Variants in PCYT1A observed in about 807,000 individuals in gnomAD.
The protein encoded by PCYT1A is phosphate cytidylyltransferase 1A, choline, also known as choline-phosphate cytidylyltransferase A.
Under a neutral mutation model 43.7 loss-of-function variants are expected in PCYT1A, and 25 were observed. The ratio of observed to expected loss-of-function variants is 0.57; its 90% CI spans 0.42 to 0.80. The LOEUF (loss-of-function observed/expected upper bound fraction) is 0.80. Ranked by LOEUF, PCYT1A falls within the 30% of genes least tolerant of loss-of-function variation. PCYT1A has a pLI of 0.00. For synonymous variants in PCYT1A, 172 were observed against 170.7 expected (o/e 1.01, Z -0.06); for missense variants, 421 against 474.2 (o/e 0.89, Z 1.04).
rs1560176370 is a variant in PCYT1A, at chr3:196,273,682, C to T, written c.-10-3141G>A. On this transcript the variant is annotated intron_variant, in intron 1 of 8. Coordinates refer to ENST00000431016, the MANE Select transcript of PCYT1A (RefSeq NM_001312673.2). This position sits in a 1 kb window ranked among gnomAD's most constrained non-coding sequence, Gnocchi z 4.1. ...AAGCTCCTATCCGCAGGCAGGTCAT[C>T]CCATCAAGTATGGCTGAGTCCAGGG... Among the ~76,000 whole-genome samples the T allele has an allele frequency of 1.3e-5, 2 of 152,192 alleles. No individual in the cohort carries two copies. Among genetic ancestry groups the T allele is most frequent in the African/African-American group, 2.4e-5 (1 of 41,446 alleles).
At position 196,241,036 on chromosome 3, in the gene PCYT1A, G is replaced by A. The variant is rs190172624; in HGVS notation, c.708+912C>T. Among the ~76,000 whole-genome samples, 187 of 146,988 alleles carry A rather than the reference G, an allele frequency of 1.3e-3. 1 individual carries two copies. The highest frequency in any genetic ancestry group is 7.2e-3 in the Middle Eastern group (2 of 276). On this transcript the variant is annotated intron_variant, in intron 7 of 8. Transcript: ENST00000431016. The stretch of plus-strand genomic sequence containing the variant: ...TGGCTGGATACGGTGGCTCATGCCT[G>A]TAATCCCAGCACTTTGCGAGGCCAA...
At chr3:196,257,941 T>A in intron 2 of PCYT1A, 54 bp from the exon 3 acceptor site, 1 of 990,448 alleles carries the variant, frequency 1.0e-6, no homozygotes, top group South Asian at 1.4e-5. Flanking sequence ...GCATACACTG[T>A]AATACTAAAA....
At chr3:196,257,038 C>G (rs531411837) in intron 3 of PCYT1A, among the ~76,000 whole-genome samples, 8 of 152,082 alleles carry the variant, frequency 5.3e-5, no homozygotes, top group Admixed American at 3.9e-4. Flanking sequence ...ACTTAGTAAT[C>G]AGAAGAAGTG....
At chr3:196,263,781 C>T (rs1725186521) in intron 2 of PCYT1A, among the ~76,000 whole-genome samples, 1 of 152,032 alleles carries the variant, frequency 6.6e-6, no homozygotes, top group African/African-American at 2.4e-5. Flanking sequence ...TACAGGCACC[C>T]ACCACCACGC....
rs543797566 is a variant in PCYT1A, at chr3:196,247,097, T to C, written c.486+270A>G. Reference sequence around the variant, plus strand: ...TGGTTTCTCTAGCCCTTGTTACTCATATGTAAAGCGGAAATGACAAACACA... The same window carrying C: ...TGGTTTCTCTAGCCCTTGTTACTCACATGTAAAGCGGAAATGACAAACACA... On this transcript the variant is annotated intron_variant, in intron 5 of 8. Coordinates refer to ENST00000431016, the MANE Select transcript of PCYT1A (RefSeq NM_001312673.2). The surrounding 1 kb of genome is among the most constrained non-coding windows in gnomAD (Gnocchi z 4.8). 6.6e-6 allele frequency among the ~76,000 whole-genome samples: 1 copy of C among 152,236 alleles called. No homozygotes were observed. Among genetic ancestry groups the C allele is most frequent in the Non-Finnish European group, 1.5e-5 (1 of 68,046 alleles).
At chr3:196,260,911 G>C (rs749603309) in intron 2 of PCYT1A, among the ~76,000 whole-genome samples, 10 of 152,056 alleles carry the variant, frequency 6.6e-5, no homozygotes, top group Admixed American at 1.3e-4. Context: ...TGCATTACTC[G>C]TAATAGCCAA....
chr3:196,266,300 G>C (rs1222549404), intron 2 of PCYT1A, among the ~76,000 whole-genome samples: 1 of 150,558 alleles, frequency 6.6e-6, no homozygotes. Context: ...GTGAAACCCC[G>C]TCTCTACTAA....
intron 2 of PCYT1A, among the ~76,000 whole-genome samples, chr3:196,262,984 A>T (rs947223633): frequency 6.6e-6 from 1 of 152,070 alleles, no homozygotes; most frequent in South Asian, 2.1e-4. Context: ...TAGTAGAGAC[A>T]GGGTTTCGCG....
chr3:196,260,331 A>G (rs1725072442), intron 2 of PCYT1A, among the ~76,000 whole-genome samples: 2 of 152,230 alleles, frequency 1.3e-5, no homozygotes, highest in African/African-American at 2.4e-5. Flanking sequence ...ACTACTTCAT[A>G]TCAACCAGGA....
chr3:196,258,628 C>T (rs561690567), intron 2 of PCYT1A, among the ~76,000 whole-genome samples: 1 of 151,270 alleles, frequency 6.6e-6, no homozygotes, highest in Non-Finnish European at 1.5e-5. Context: ...AGCTCTGTTG[C>T]CCAGGCTGGA....
chr3:196,257,422 G>C (rs1724983243), intron 3 of PCYT1A, among the ~76,000 whole-genome samples: 1 of 152,170 alleles, frequency 6.6e-6, no homozygotes, highest in Non-Finnish European at 1.5e-5. Context: ...GTAGAGAGGT[G>C]GTGGGGAATT....
In PCYT1A at chr3:196,282,092, G is replaced by A. The variant is rs1487752012; in HGVS notation, c.-11+5523C>T. 1.3e-5 allele frequency among the ~76,000 whole-genome samples: 2 copies of A among 152,206 alleles called. No individual in the cohort carries two copies. The highest frequency in any genetic ancestry group is 4.8e-5 in the African/African-American group (2 of 41,442). On this transcript the variant is annotated intron_variant, in intron 1 of 8. Coordinates refer to ENST00000431016, the MANE Select transcript of PCYT1A (RefSeq NM_001312673.2). This position sits in a 1 kb window ranked among gnomAD's most constrained non-coding sequence, Gnocchi z 4.3. The stretch of plus-strand genomic sequence containing the variant: ...TTACTTGTCATGAGCCCTATAAACT[G>A]TCACATTTAAGACCTTAGCTTTGAA...
intron 5 of PCYT1A, among the ~76,000 whole-genome samples, chr3:196,245,366 C>T (rs548710981): frequency 6.6e-6 from 1 of 152,164 alleles, no homozygotes; most frequent in East Asian, 1.9e-4. Flanking sequence ...TCACGAACTC[C>T]TGACCTCAAG....
chr3:196,261,185 G>A (rs1449729770), intron 2 of PCYT1A, among the ~76,000 whole-genome samples: 1 of 152,208 alleles, frequency 6.6e-6, no homozygotes, highest in Admixed American at 6.5e-5. Context: ...AGCTGGAGGG[G>A]TAATAGGGAG....
chr3:196,257,959 A>AC (rs1349419434), intron 2 of PCYT1A, 72 bp from the exon 3 acceptor site: 1 of 829,460 alleles, frequency 1.2e-6, no homozygotes, highest in East Asian at 2.5e-5. Flanking sequence ...AAAAAAAAAA[A>AC]GATGAGAGAA....
chr3:196,248,018 C>T (rs976063805), intron 4 of PCYT1A, 189 bp downstream of exon 4: 4 of 597,006 alleles, frequency 6.7e-6, no homozygotes, highest in African/African-American at 5.5e-5. Context: ...ATGGCACAGT[C>T]GAGGAGCTTG....
intron 2 of PCYT1A, among the ~76,000 whole-genome samples, chr3:196,270,051 T>G (rs1725386401): frequency 6.6e-6 from 1 of 152,234 alleles, no homozygotes; most frequent in Non-Finnish European, 1.5e-5. Context: ...TTTTGTATTT[T>G]TAGTAAAGAC....
chr3:196,241,887 G>T, intron 7 of PCYT1A, 61 bp downstream of exon 7: 2 of 1,580,588 alleles, frequency 1.3e-6, no homozygotes, highest in South Asian at 1.1e-5. Context: ...AGCTGAGATG[G>T]AGTGGGAGGT....
At position 196,282,481 on chromosome 3, in the gene PCYT1A, C is replaced by A. The variant is rs1725796521; in HGVS notation, c.-11+5134G>T. ...ATGAAAAAGACTGTATCTTTATTTT[C>A]ACTTCAGTGATGAACATAAGCTACA... On this transcript the variant is annotated intron_variant, in intron 1 of 8. Transcript: ENST00000431016. This position sits in a 1 kb window ranked among gnomAD's most constrained non-coding sequence, Gnocchi z 4.3. Among the ~76,000 whole-genome samples, 1 of 152,164 alleles carries A rather than the reference C, an allele frequency of 6.6e-6. No individual in the cohort carries two copies. The highest frequency in any genetic ancestry group is 1.5e-5 in the Non-Finnish European group (1 of 68,036).
Sources: gnomAD v4.1 joint callset for allele counts (sites outside exome capture counted in the v4.1 genomes callset) on GRCh38, gnomAD v4.1.1 for gene constraint, Gnocchi (gnomAD v3.1) non-coding constraint, MANE v1.5 for transcripts, NCBI Gene and HGNC (gene_info 2026-07-23, HGNC 2026-07-21) for gene names.